Variants in DLG2 observed in about 807,000 individuals in gnomAD.
DLG2 encodes the protein disks large homolog 2.
In DLG2, 45 loss-of-function variants were observed where a neutral mutation model predicts 132.5. The ratio of observed to expected loss-of-function variants is 0.34; its 90% CI spans 0.27 to 0.44. The LOEUF is 0.44. DLG2 is among the 20% of genes least tolerant of loss of function. The pLI is 1.00. For missense variants in DLG2, 1,045 were observed against 1,196.9 expected, an observed-to-expected ratio of 0.87 and a Z score of 1.87; for synonymous variants, 424 against 419.6, an observed-to-expected ratio of 1.01 and a Z score of -0.13.
intron 4 of DLG2, among the ~76,000 whole-genome samples, chr11:85,166,669 T>C (rs1483470653): frequency 1.3e-5 from 2 of 152,150 alleles, no homozygotes; most frequent in African/African-American, 2.4e-5. Context: ...AATAAACTTG[T>C]CATTGCTTAT....
chr11:85,502,115 G>A (rs1315083212), intron 3 of DLG2, among the ~76,000 whole-genome samples: 1 of 152,030 alleles, frequency 6.6e-6, no homozygotes, highest in African/African-American at 2.4e-5. Flanking sequence ...AATGTCCTTT[G>A]CAGGGACATG....
At chr11:84,505,900 G>A (rs564099811) in intron 7 of DLG2, among the ~76,000 whole-genome samples, 3 of 151,872 alleles carry the variant, frequency 2.0e-5, no homozygotes, top group African/African-American at 7.3e-5. Context: ...GTAGTAGGCC[G>A]AAGAAAGTTC....
intron 3 of DLG2, among the ~76,000 whole-genome samples, chr11:85,429,095 C>T (rs192630392): frequency 6.6e-6 from 1 of 152,138 alleles, no homozygotes; most frequent in East Asian, 1.9e-4. Flanking sequence ...TTGAATCTCT[C>T]AATAGACCAA....
intron 6 of DLG2, among the ~76,000 whole-genome samples, chr11:84,619,691 A>G (rs1400479414): frequency 6.6e-6 from 1 of 151,758 alleles, no homozygotes. Flanking sequence ...AACAATAACA[A>G]CAACAAAAAT....
intron 18 of DLG2, among the ~76,000 whole-genome samples, chr11:83,635,453 T>C (rs1054526489): frequency 1.3e-5 from 2 of 152,104 alleles, no homozygotes; most frequent in African/African-American, 2.4e-5. Flanking sequence ...TTGAAAGATA[T>C]AGAAAAACAC....
chr11:83,472,165 A>G (rs1169379037), intron 23 of DLG2, among the ~76,000 whole-genome samples: 1 of 152,136 alleles, frequency 6.6e-6, no homozygotes, highest in Non-Finnish European at 1.5e-5. Flanking sequence ...CCAGATCAAA[A>G]TACTCTCTAT....
chr11:85,082,486 T>A (rs892363709), intron 6 of DLG2, among the ~76,000 whole-genome samples: 7 of 151,880 alleles, frequency 4.6e-5, no homozygotes, highest in Admixed American at 3.9e-4. Context: ...GTGAGAAGAA[T>A]CTCCCCATGA....
intron 7 of DLG2, among the ~76,000 whole-genome samples, chr11:84,271,918 G>A (rs138749568): frequency 1.7e-4 from 24 of 139,132 alleles, no homozygotes; most frequent in African/African-American, 6.4e-4. Flanking sequence ...AATACTTGAG[G>A]TCCACAAGGA....
intron 18 of DLG2, among the ~76,000 whole-genome samples, chr11:83,703,801 T>C (rs2083397604): frequency 6.6e-6 from 1 of 152,240 alleles, no homozygotes; most frequent in Non-Finnish European, 1.5e-5. Context: ...ATCATGACTG[T>C]TATTTACAGT....
intron 6 of DLG2, among the ~76,000 whole-genome samples, chr11:85,011,794 GT>G (rs1448279280): frequency 6.6e-6 from 1 of 152,130 alleles, no homozygotes; most frequent in Non-Finnish European, 1.5e-5. Flanking sequence ...CATCTATACA[GT>G]TTTATCCTAC....
chr11:85,498,445 CTAAAAAGAGACT>C (rs958095861), intron 3 of DLG2, among the ~76,000 whole-genome samples: 3 of 152,074 alleles, frequency 2.0e-5, no homozygotes, highest in Admixed American at 1.3e-4. Context: ...CCTGAGAGAC[CTAAAAAGAGACT>C]TAGACTCCCA....
intron 3 of DLG2, among the ~76,000 whole-genome samples, chr11:85,510,196 T>A (rs983401429): frequency 1.3e-5 from 2 of 151,828 alleles, no homozygotes; most frequent in Non-Finnish European, 2.9e-5. Flanking sequence ...TGGCTAGAAG[T>A]GATTGGTTAA....
intron 8 of DLG2, among the ~76,000 whole-genome samples, chr11:84,167,656 C>T (rs1437496054): frequency 1.3e-5 from 2 of 149,910 alleles, no homozygotes; most frequent in East Asian, 3.9e-4. Flanking sequence ...ATATACTAAA[C>T]TCCAAAATGA....
chr11:83,735,684 C>T (rs764188499), intron 18 of DLG2, among the ~76,000 whole-genome samples: 10 of 152,184 alleles, frequency 6.6e-5, no homozygotes, highest in Admixed American at 3.9e-4. Flanking sequence ...TCTTCCCACA[C>T]GTACATTTTG....
Position 83,545,954 on chromosome 11 carries a change from T to C in DLG2, c.1941-4096A>G, listed in dbSNP as rs546298418. Among the ~76,000 whole-genome samples, 4 of 152,332 alleles carry C rather than the reference T, an allele frequency of 2.6e-5. No individual in the cohort carries two copies. In the East Asian group the frequency reaches 5.8e-4, roughly 22 times the overall value. The stretch of plus-strand genomic sequence containing the variant: ...GATAAGCTGTTTTTAATTTGCTTTA[T>C]GTGTTAATTCATCACAGCAACTTTT... On this transcript the variant is annotated intron_variant, in intron 19 of 27. Coordinates refer to ENST00000376104, the MANE Select transcript of DLG2 (RefSeq NM_001142699.3).
chr11:84,040,401 T>A (rs1334450532), intron 11 of DLG2, among the ~76,000 whole-genome samples: 1 of 151,536 alleles, frequency 6.6e-6, no homozygotes, highest in African/African-American at 2.4e-5. Context: ...TTTTGTATAA[T>A]GTGTAAGGAA....
intron 6 of DLG2, among the ~76,000 whole-genome samples, chr11:84,986,206 A>T (rs1398448727): frequency 6.6e-6 from 1 of 152,094 alleles, no homozygotes; most frequent in Non-Finnish European, 1.5e-5. Flanking sequence ...AAACCTAGAG[A>T]TGGATAAATT....
chr11:84,699,906 T>C (rs2059032671), intron 6 of DLG2, among the ~76,000 whole-genome samples: 2 of 151,500 alleles, frequency 1.3e-5, no homozygotes, highest in African/African-American at 4.8e-5. Flanking sequence ...CTCAACAACT[T>C]TGGGTCAAAT....
At chr11:85,270,858 G>A (rs1202547028) in intron 4 of DLG2, among the ~76,000 whole-genome samples, 1 of 152,188 alleles carries the variant, frequency 6.6e-6, no homozygotes, top group Non-Finnish European at 1.5e-5. Flanking sequence ...CATTCAAGAG[G>A]TGACTTGGGT....
Sources: gnomAD v4.1 joint callset for allele counts (sites outside exome capture counted in the v4.1 genomes callset) on GRCh38, gnomAD v4.1.1 for gene constraint, MANE v1.5 for transcripts, NCBI Gene and HGNC (gene_info 2026-07-23, HGNC 2026-07-21) for gene names.